ICA1: variants seen among roughly 807,000 people sequenced by gnomAD.
The protein encoded by ICA1 is 69 kDa islet cell autoantigen.
In ICA1, 40 loss-of-function variants were observed where a neutral mutation model predicts 71.0. That is an observed-to-expected ratio of 0.56 (90% CI 0.44 to 0.73). The LOEUF (loss-of-function observed/expected upper bound fraction) is 0.73, where lower values mean the gene tolerates loss of function less well. ICA1 is among the 30% of genes least tolerant of loss of function. ICA1 has a pLI of 0.00. For missense variants in ICA1, 578 were observed against 576.5 expected (o/e 1.00, Z -0.03); for synonymous variants, 207 against 209.5 (o/e 0.99, Z 0.10).
At chr7:8,251,597 T>A (rs1377935348) in intron 1 of ICA1, among the ~76,000 whole-genome samples, 2 of 151,778 alleles carry the variant, frequency 1.3e-5, no homozygotes, top group Non-Finnish European at 2.9e-5. Flanking sequence ...TAGAGATGAC[T>A]TGTCCAAGAT....
Position 8,119,621 on chromosome 7 carries a change from G to A in ICA1, c.1331-5577C>T, listed in dbSNP as rs200781068. On this transcript the variant is annotated intron_variant, in intron 13 of 13. Transcript: ENST00000402384. ...AGCACTTTGGGAAGCCAAAGCAGGC[G>A]GATCACTTGAGGTCAGGAGTTCAAG... is the stretch of plus-strand genomic sequence containing the variant. 9.2e-5 allele frequency among the ~76,000 whole-genome samples: 14 copies of A among 152,252 alleles called. No homozygotes were observed. The East Asian group carries it at 1.5e-3, about 17-fold the overall frequency.
chr7:8,153,836 A>AATATATATATATATATATATAT (rs33924786), intron 8 of ICA1, among the ~76,000 whole-genome samples: 2,754 of 136,156 alleles, frequency 0.02, 64 homozygotes, highest in Non-Finnish European at 0.029. Flanking sequence ...ACTCATGCAG[A>AATATATATATATATATATATAT]ATATATATAT....
At chr7:8,155,887 A>T (rs1052071755) in intron 8 of ICA1, among the ~76,000 whole-genome samples, 3 of 152,226 alleles carry the variant, frequency 2.0e-5, no homozygotes, top group Non-Finnish European at 4.4e-5. Context: ...CTGAGGGCAC[A>T]CTGTGTACAA....
intron 6 of ICA1, among the ~76,000 whole-genome samples, chr7:8,199,486 G>A (rs1428644503): frequency 4.6e-5 from 7 of 152,308 alleles, no homozygotes; most frequent in East Asian, 1.9e-4. Flanking sequence ...CAAGGCGGGC[G>A]GATCACTTGA....
intron 5 of ICA1, among the ~76,000 whole-genome samples, chr7:8,221,030 C>T (rs1289309458): frequency 6.6e-6 from 1 of 151,882 alleles, no homozygotes; most frequent in Non-Finnish European, 1.5e-5. Context: ...ATATATAATG[C>T]CCCTACAGAC....
chr7:8,175,131 G>A (rs547730393), intron 6 of ICA1, among the ~76,000 whole-genome samples: 1 of 151,920 alleles, frequency 6.6e-6, no homozygotes, highest in East Asian at 1.9e-4. Context: ...GAATGTGGGG[G>A]ATAAAGCGGG....
At chr7:8,218,625 A>G (rs1372212072) in intron 5 of ICA1, 122 bp from the exon 6 acceptor site, 1 of 749,778 alleles carries the variant, frequency 1.3e-6, no homozygotes, top group Non-Finnish European at 2.3e-6. Flanking sequence ...AAGATGCTCC[A>G]TCAATATTTG....
At chr7:8,197,445 C>T (rs1467907201) in intron 6 of ICA1, among the ~76,000 whole-genome samples, 1 of 149,742 alleles carries the variant, frequency 6.7e-6, no homozygotes, top group Non-Finnish European at 1.5e-5. Flanking sequence ...CCCAGCTACT[C>T]GGGAGACTGG....
At chr7:8,188,614 G>T (rs886255469) in intron 6 of ICA1, among the ~76,000 whole-genome samples, 9 of 152,176 alleles carry the variant, frequency 5.9e-5, no homozygotes, top group Non-Finnish European at 1.2e-4. Context: ...ATTATAATTA[G>T]GGCATTATAA....
chr7:8,261,366 G>A (rs1227309526), intron 1 of ICA1, among the ~76,000 whole-genome samples: 3 of 152,170 alleles, frequency 2.0e-5, no homozygotes, highest in Admixed American at 6.5e-5. Context: ...AACAGGATAT[G>A]TTCGTTTCTA....
intron 9 of ICA1, 108 bp from the exon 10 acceptor site, chr7:8,141,925 C>CCA (rs55773006): frequency 0.88 from 1,037,238 of 1,185,234 alleles, 455,184 homozygotes; most frequent in East Asian, 1. Context: ...AACACATACA[C>CCA]CACACACACG....
At chr7:8,193,006 T>G (rs1786225592) in intron 6 of ICA1, among the ~76,000 whole-genome samples, 1 of 152,138 alleles carries the variant, frequency 6.6e-6, no homozygotes, top group Non-Finnish European at 1.5e-5. Context: ...TAACCATTTC[T>G]CCAAAAAGCC....
chr7:8,150,238 G>T (rs1798354655), intron 8 of ICA1, among the ~76,000 whole-genome samples: 1 of 152,224 alleles, frequency 6.6e-6, no homozygotes, highest in African/African-American at 2.4e-5. Context: ...TTACCCATGA[G>T]AACAATGGAG....
intron 6 of ICA1, 145 bp downstream of exon 6, chr7:8,218,159 TA>T: frequency 1.5e-6 from 1 of 678,734 alleles, no homozygotes; most frequent in Non-Finnish European, 2.6e-6. Flanking sequence ...CATTAATTGG[TA>T]TTCTGTCACA....
upstream of ICA1, chr7:8,262,199 G>C (rs914787479): frequency 6.6e-6 from 1 of 152,186 alleles, no homozygotes; most frequent in African/African-American, 2.4e-5. Context: ...GGGGCGGGGG[G>C]AGCGCAGGAA....
chr7:8,167,574 C>T (rs142292917), intron 6 of ICA1, among the ~76,000 whole-genome samples: 25 of 152,206 alleles, frequency 1.6e-4, no homozygotes, highest in African/African-American at 5.1e-4. Context: ...CCAAACCCCC[C>T]GGCATGTAAT....
intron 6 of ICA1, among the ~76,000 whole-genome samples, chr7:8,165,290 C>T (rs892927466): frequency 6.6e-6 from 1 of 152,162 alleles, no homozygotes; most frequent in Non-Finnish European, 1.5e-5. Flanking sequence ...ATGGCAGAAG[C>T]AATTTTCATA....
At chr7:8,174,669 C>T (rs1409344989) in intron 6 of ICA1, among the ~76,000 whole-genome samples, 1 of 148,022 alleles carries the variant, frequency 6.8e-6, no homozygotes, top group Non-Finnish European at 1.5e-5. Flanking sequence ...GTGGTGAGCA[C>T]TTATAGTCCC....
intron 3 of ICA1, among the ~76,000 whole-genome samples, chr7:8,230,582 T>G (rs192902437): frequency 6.6e-6 from 1 of 152,328 alleles, no homozygotes; most frequent in Non-Finnish European, 1.5e-5. Context: ...TAAGGTACAT[T>G]TGGTTCAGCC....
Sources: gnomAD v4.1 joint callset for allele counts (sites outside exome capture counted in the v4.1 genomes callset) on GRCh38, gnomAD v4.1.1 for gene constraint, MANE v1.5 for transcripts, NCBI Gene and HGNC (gene_info 2026-07-23, HGNC 2026-07-21) for gene names.